The following PLD5 variants were observed in gnomAD, a reference collection of about 807,000 sequenced individuals.
PLD5 encodes inactive phospholipase D5.
In PLD5, 36 loss-of-function variants were observed where a neutral mutation model predicts 61.1. The ratio of observed to expected loss-of-function variants is 0.59; its 90% CI spans 0.45 to 0.78. PLD5 has a LOEUF of 0.78. PLD5 is among the 30% of genes least tolerant of loss of function. The pLI is 0.00. For synonymous variants in PLD5, 243 were observed against 242.8 expected (o/e 1.00, Z -0.01); for missense variants, 515 against 644.4 (o/e 0.80, Z 2.17).
chr1:242,143,030 T>TC (rs200044027), intron 5 of PLD5, among the ~76,000 whole-genome samples: 222 of 151,244 alleles, frequency 1.5e-3, no homozygotes, highest in East Asian at 5.7e-3. Flanking sequence ...TTTTTTTTTT[T>TC]TCTCTCTCTC....
chr1:242,384,477 C>G (rs1430729450), intron 1 of PLD5, among the ~76,000 whole-genome samples: 2 of 152,206 alleles, frequency 1.3e-5, no homozygotes, highest in Non-Finnish European at 2.9e-5. Context: ...TCTGCTTCAT[C>G]CAACACCAGA....
intron 2 of PLD5, among the ~76,000 whole-genome samples, chr1:242,293,851 G>T (rs1200300086): frequency 6.6e-6 from 1 of 152,092 alleles, no homozygotes; most frequent in African/African-American, 2.4e-5. Context: ...ACGCATGGCT[G>T]TTTCTTATGC....
At chr1:242,507,268 T>A (rs141534442) in intron 1 of PLD5, among the ~76,000 whole-genome samples, 137 of 152,338 alleles carry the variant, frequency 9.0e-4, no homozygotes, top group African/African-American at 3.1e-3. Flanking sequence ...GTCTAAATTT[T>A]TTACCAGCAA....
At chr1:242,270,433 G>T (rs898080194) in intron 3 of PLD5, among the ~76,000 whole-genome samples, 5 of 152,212 alleles carry the variant, frequency 3.3e-5, no homozygotes, top group African/African-American at 1.2e-4. Flanking sequence ...TGGCTTGCTA[G>T]TGGCAGTCAG....
chr1:242,157,306 T>C (rs1665458177), intron 5 of PLD5, among the ~76,000 whole-genome samples: 1 of 152,218 alleles, frequency 6.6e-6, no homozygotes, highest in Non-Finnish European at 1.5e-5. Context: ...AACATGCTCC[T>C]TTAGCTCGGA....
intron 1 of PLD5, among the ~76,000 whole-genome samples, chr1:242,433,023 C>T (rs1289879426): frequency 6.6e-6 from 1 of 152,034 alleles, no homozygotes; most frequent in East Asian, 1.9e-4. Context: ...AAAATGTCAA[C>T]CCTGTTTTCT....
In PLD5 at chr1:242,083,864, T is replaced by G. The variant is rs1280034412; in HGVS notation, c.*5990A>C. On this transcript the variant is annotated 3_prime_UTR_variant, in exon 10 of 10. Coordinates refer to ENST00000536534, the MANE Select transcript of PLD5 (RefSeq NM_001372062.1). ...GGAATTGAGGTCATATTTCCAAGAT[T>G]GGTTGTGCATTTGTGTGGGAAAACT... 1 of 152,202 alleles carries G rather than the reference T, an allele frequency of 6.6e-6. No individual in the cohort carries two copies. The highest frequency in any genetic ancestry group is 2.4e-5 in the African/African-American group (1 of 41,448). The allele number at this position is 152,202 out of a possible 1,614,324, so 9.4% of individuals were successfully genotyped here.
chr1:242,139,688 G>A (rs1232857874), intron 5 of PLD5, among the ~76,000 whole-genome samples: 1 of 152,170 alleles, frequency 6.6e-6, no homozygotes, highest in Non-Finnish European at 1.5e-5. Flanking sequence ...GGCATAACTG[G>A]AAGTTCCTCT....
At chr1:242,190,425 C>T (rs545064072) in intron 5 of PLD5, among the ~76,000 whole-genome samples, 7 of 152,076 alleles carry the variant, frequency 4.6e-5, no homozygotes, top group African/African-American at 2.4e-5. Flanking sequence ...GGATTACAGG[C>T]GTGAGCCACC....
chr1:242,442,671 T>C (rs1666331304), intron 1 of PLD5, among the ~76,000 whole-genome samples: 1 of 152,178 alleles, frequency 6.6e-6, no homozygotes, highest in Non-Finnish European at 1.5e-5. Flanking sequence ...TTTTATGTTA[T>C]CTTAAAGTTT....
intron 1 of PLD5, chr1:242,449,245 C>T: frequency 7.2e-7 from 1 of 1,382,286 alleles, no homozygotes; most frequent in South Asian, 1.2e-5. Context: ...CCTCAGAGCT[C>T]AAGTGACTGT....
At chr1:242,138,502 T>C (rs969432759) in intron 5 of PLD5, among the ~76,000 whole-genome samples, 3 of 151,994 alleles carry the variant, frequency 2.0e-5, no homozygotes, top group Non-Finnish European at 2.9e-5. Context: ...TGGAAGAAAA[T>C]ATATGATACA....
At chr1:242,489,817 C>A (rs1420239879) in intron 1 of PLD5, among the ~76,000 whole-genome samples, 2 of 152,082 alleles carry the variant, frequency 1.3e-5, no homozygotes, top group Non-Finnish European at 2.9e-5. Context: ...CACCAAGCCT[C>A]GACAAAAGGA....
intron 1 of PLD5, among the ~76,000 whole-genome samples, chr1:242,463,770 G>GAA (rs35135217): frequency 1.2e-3 from 184 of 150,604 alleles, no homozygotes; most frequent in African/African-American, 3.6e-3. Context: ...CCTCTTCTAT[G>GAA]AAAAAAAAAT....
intron 1 of PLD5, among the ~76,000 whole-genome samples, chr1:242,518,060 G>A (rs999258380): frequency 2.3e-4 from 35 of 152,080 alleles, no homozygotes; most frequent in African/African-American, 8.0e-4. Context: ...ATCACCCAAC[G>A]GTCATGACAT....
chr1:242,405,296 C>T lies in PLD5; in HGVS notation c.190-57054G>A, dbSNP rs139919996. ...GTGATTCCCAGCTAGGACGATTTTCCCACCCCTCCCTCCAGGGACATTTGG... is the reference window on the plus strand; with the variant it reads ...GTGATTCCCAGCTAGGACGATTTTCTCACCCCTCCCTCCAGGGACATTTGG... On this transcript the variant is annotated intron_variant, in intron 1 of 9. Coordinates refer to ENST00000536534, the MANE Select transcript of PLD5 (RefSeq NM_001372062.1). Among the ~76,000 whole-genome samples the T allele has an allele frequency of 2.9e-3, 443 of 152,268 alleles. 3 individuals are homozygous for T. Among genetic ancestry groups the T allele is most frequent in the African/African-American group, 9.9e-3 (412 of 41,550 alleles).
At chr1:242,191,998 C>T (rs1668317951) in intron 5 of PLD5, among the ~76,000 whole-genome samples, 1 of 152,210 alleles carries the variant, frequency 6.6e-6, no homozygotes, top group African/African-American at 2.4e-5. Flanking sequence ...AACAGGCAGA[C>T]AGCAGATGCG....
Position 242,324,646 on chromosome 1 carries a change from A to C in PLD5, c.326+23460T>G, listed in dbSNP as rs73142766. On this transcript the variant is annotated intron_variant, in intron 2 of 9. Transcript: ENST00000536534. Reference sequence around the variant, plus strand: ...TTTTAAAACTAACAAATCATCCACAAGATTAAGAATTATGGCTCAGGAGTC... The same window carrying C: ...TTTTAAAACTAACAAATCATCCACACGATTAAGAATTATGGCTCAGGAGTC... Among the ~76,000 whole-genome samples, 1,227 of 152,298 alleles carry C rather than the reference A, an allele frequency of 8.1e-3. 15 individuals are homozygous for C. The highest frequency in any genetic ancestry group is 0.028 in the African/African-American group (1,162 of 41,554).
intron 4 of PLD5, among the ~76,000 whole-genome samples, chr1:242,258,739 C>A (rs181288818): frequency 6.6e-6 from 1 of 152,110 alleles, no homozygotes; most frequent in Non-Finnish European, 1.5e-5. Flanking sequence ...CAAAAACAAG[C>A]TTCTGATTAG....
Sources: allele counts gnomAD v4.1 joint callset (sites outside exome capture counted in the v4.1 genomes callset), GRCh38; gene constraint gnomAD v4.1.1; transcripts MANE v1.5; gene names NCBI Gene and HGNC (gene_info 2026-07-23, HGNC 2026-07-21).